The following ARFGEF3 variants were observed in gnomAD, a reference collection of about 807,000 sequenced individuals.
ARFGEF3 encodes the protein brefeldin A-inhibited guanine nucleotide-exchange protein 3.
Under a neutral mutation model 221.7 loss-of-function variants are expected in ARFGEF3, and 96 were observed. The observed-to-expected ratio is 0.43, with a 90% confidence interval of 0.37 to 0.51. The LOEUF is 0.51. ARFGEF3 is among the 20% of genes least tolerant of loss of function. The pLI, the probability that ARFGEF3 is intolerant of heterozygous loss-of-function variation, is 0.00. For missense variants in ARFGEF3, 2,410 were observed against 2,789.9 expected (o/e 0.86, Z 3.07); for synonymous variants, 1,145 against 1,126.8 (o/e 1.02, Z -0.32).
rs1298123025 is a variant in ARFGEF3, at chr6:138,280,077, C to G, written c.2374C>G (p.Gln792Glu). ...GGCCTGGATTGAGGAGCTCTACCAT[C>G]AGGTGCTCGACAGGAACATGCTTGG... The part of the protein sequence containing the change: ...SQAWIEELYH[Q>E]VLDRNMLGEA... Residue 792 changes from glutamine to glutamate, a missense_variant, in exon 14 of 34, where the codon CAG becomes GAG. This residue lies in a region of ARFGEF3 where 594 missense variants were observed against 734.3 expected (regional missense o/e 0.81). Coordinates refer to ENST00000251691, the MANE Select transcript of ARFGEF3 (RefSeq NM_020340.5). 6.2e-7 allele frequency: 1 copy of G among 1,613,906 alleles called. No homozygotes were observed. Among genetic ancestry groups the G allele is most frequent in the Non-Finnish European group, 8.5e-7 (1 of 1,179,800 alleles).
In ARFGEF3 at chr6:138,334,950, A is replaced by T. The variant is rs1421678768; in HGVS notation, c.6104A>T (p.Gln2035Leu). 1.3e-6 allele frequency: 2 copies of T among 1,588,426 alleles called. No individual in the cohort carries two copies. The highest frequency in any genetic ancestry group is 1.8e-5 in the Admixed American group (1 of 55,378). Reference sequence around the variant, plus strand: ...ACCGAATACAAAAAGAGGAAACAGCAGCACAACCTGTCCGCGTTCCCCAAA... The same window carrying T: ...ACCGAATACAAAAAGAGGAAACAGCTGCACAACCTGTCCGCGTTCCCCAAA... ...LMTEYKKRKQ[Q>L]HNLSAFPKEV... The change falls in exon 33 of 34, where the codon CAG (glutamine) becomes CTG (leucine). Residue 2035 changes from glutamine (Q) to leucine (L), a missense_variant. Physicochemically the swap from Gln to Leu is moderately radical, Grantham distance 113 (BLOSUM62 -2). Around this residue, in one of 5 missense-constraint regions of ARFGEF3, gnomAD observed 339 missense variants for 334.9 expected, o/e 1.01. Transcript: ENST00000251691. The surrounding 1 kb of genome is among the most constrained non-coding windows in gnomAD (Gnocchi z 5.1).
intron 10 of ARFGEF3, among the ~76,000 whole-genome samples, chr6:138,258,987 C>T (rs1778738284): frequency 6.6e-6 from 1 of 152,176 alleles, no homozygotes. Context: ...ATCTGTTCAT[C>T]GTAGATGTTC....
At chr6:138,203,158 A>T (rs79477383) in intron 2 of ARFGEF3, among the ~76,000 whole-genome samples, 1 of 150,550 alleles carries the variant, frequency 6.6e-6, no homozygotes, top group African/African-American at 2.4e-5. Context: ...GATTGTGTGT[A>T]TGTGTGTGTG....
rs1780475025 is a variant in ARFGEF3, at chr6:138,344,043, C to A, written c.*7557C>A. On this transcript the variant is annotated 3_prime_UTR_variant, in exon 34 of 34. Transcript: ENST00000251691. ...TGCTAAGAGACTATTATTCAATATG[C>A]TTTTCCCGCTTTTCTAAGAGGAATA... The A allele has an allele frequency of 6.6e-6, 1 of 152,120 alleles. No individual in the cohort carries two copies. The highest frequency in any genetic ancestry group is 2.1e-4 in the South Asian group (1 of 4,826). 9.4% of individuals were successfully genotyped at this position (152,120 alleles called of 1,614,324 possible). A position where few individuals can be genotyped will look rare whatever the true frequency, so the allele number is the denominator to read the frequency against.
In ARFGEF3 at chr6:138,218,370, T is replaced by G. The variant is rs764555788; in HGVS notation, c.351+8329T>G. 9.7e-6 allele frequency: 15 copies of G among 1,543,630 alleles called. No homozygotes were observed. The South Asian group carries it at 1.5e-4, about 15-fold the overall frequency. ...AATAATATTGTGCATATCCTCATAT[T>G]TCTGGTTCCTTAAGAAGGCCCTCAT... is the stretch of plus-strand genomic sequence containing the variant. On this transcript the variant is annotated intron_variant, in intron 4 of 33. Transcript: ENST00000251691.
At chr6:138,194,127 G>A (rs142915389) in intron 2 of ARFGEF3, among the ~76,000 whole-genome samples, 195 of 152,154 alleles carry the variant, frequency 1.3e-3, no homozygotes, top group African/African-American at 3.9e-3. Context: ...AATTAGCCAG[G>A]CGTGGTGGCG....
At chr6:138,167,351 A>C (rs1056054669) in intron 1 of ARFGEF3, among the ~76,000 whole-genome samples, 2 of 152,150 alleles carry the variant, frequency 1.3e-5, no homozygotes, top group Non-Finnish European at 2.9e-5. Context: ...TTATATCACT[A>C]GTCGACACCA....
rs1778157329 is a variant in ARFGEF3, at chr6:138,229,866, G to T, written c.420+14G>T. 3 of 1,610,228 alleles carry T rather than the reference G, an allele frequency of 1.9e-6. No individual in the cohort carries two copies. Among genetic ancestry groups the T allele is most frequent in the East Asian group, 4.5e-5 (2 of 44,838 alleles). The stretch of plus-strand genomic sequence containing the variant: ...AAGATCGCGGAGGTGAGTACTGCTT[G>T]TGTCTGTGCCTCCTGTTCACAGCTG... On this transcript the variant is annotated intron_variant, in intron 5 of 33. Transcript: ENST00000251691.
chr6:138,181,997 C>A (rs1219786549), intron 2 of ARFGEF3, among the ~76,000 whole-genome samples: 4 of 152,102 alleles, frequency 2.6e-5, no homozygotes, highest in Non-Finnish European at 5.9e-5. Context: ...TTCTTTTTCA[C>A]CCTGTAGGAC....
chr6:138,289,317 T>C (rs1779356156), intron 17 of ARFGEF3, among the ~76,000 whole-genome samples: 1 of 152,220 alleles, frequency 6.6e-6, no homozygotes, highest in East Asian at 1.9e-4. Flanking sequence ...ATGAAATTGG[T>C]CATTTTCAGT....
At chr6:138,249,630 G>C (rs1037906629) in intron 8 of ARFGEF3, among the ~76,000 whole-genome samples, 2 of 152,174 alleles carry the variant, frequency 1.3e-5, no homozygotes, top group African/African-American at 4.8e-5. Context: ...TTTGAGAATA[G>C]GTTTTAAATG....
intron 4 of ARFGEF3, among the ~76,000 whole-genome samples, chr6:138,219,422 A>T (rs1156533446): frequency 2.0e-5 from 3 of 152,072 alleles, no homozygotes; most frequent in Non-Finnish European, 4.4e-5. Context: ...GAGGGGGAGG[A>T]TGGGTTTGCA....
chr6:138,324,203 A>T (rs1200139842), intron 31 of ARFGEF3, 49 bp downstream of exon 31: 1 of 1,581,766 alleles, frequency 6.3e-7, no homozygotes, highest in Non-Finnish European at 8.6e-7. Flanking sequence ...CTCGAAGTGC[A>T]TGTTGGGAGA....
intron 22 of ARFGEF3, among the ~76,000 whole-genome samples, chr6:138,306,065 A>G (rs987764108): frequency 6.6e-6 from 1 of 152,212 alleles, no homozygotes. Context: ...CACAGACAAC[A>G]TAGGGTTGTA....
intron 1 of ARFGEF3, among the ~76,000 whole-genome samples, chr6:138,164,135 G>T (rs1196404815): frequency 2.6e-5 from 4 of 152,188 alleles, no homozygotes; most frequent in Non-Finnish European, 5.9e-5. Context: ...AAGGCCTATA[G>T]GGATAGGTTT....
At position 138,162,018 on chromosome 6, in the gene ARFGEF3, G is replaced by C; in HGVS notation, c.-69G>C. 1 of 1,178,604 alleles carries C rather than the reference G, an allele frequency of 8.5e-7. No homozygotes were observed. 73.0% of individuals were successfully genotyped at this position (1,178,604 alleles called of 1,614,324 possible). On this transcript the variant is annotated 5_prime_UTR_variant, in exon 1 of 34. Coordinates refer to ENST00000251691, the MANE Select transcript of ARFGEF3 (RefSeq NM_020340.5). The surrounding 1 kb of genome is among the most constrained non-coding windows in gnomAD (Gnocchi z 4.7). ...TAGGCGCCCAGGGCCAGGCAGCGGC[G>C]GCTTCCCCGGCCCGGCTCGCCCGCG...
At chr6:138,176,702 A>G (rs748183970) in intron 2 of ARFGEF3, among the ~76,000 whole-genome samples, 2 of 151,908 alleles carry the variant, frequency 1.3e-5, no homozygotes, top group African/African-American at 2.4e-5. Context: ...TGATTGCTTT[A>G]TAAGACCTGT....
In ARFGEF3 at chr6:138,162,410, C is replaced by A. The variant is rs935363164; in HGVS notation, c.85+239C>A. Among the ~76,000 whole-genome samples the A allele has an allele frequency of 1.3e-5, 2 of 152,230 alleles. No homozygotes were observed. The highest frequency in any genetic ancestry group is 4.8e-5 in the African/African-American group (2 of 41,476). On this transcript the variant is annotated intron_variant, in intron 1 of 33. Transcript: ENST00000251691. This position sits in a 1 kb window ranked among gnomAD's most constrained non-coding sequence, Gnocchi z 4.7. ...CCTTCCTCGGGAACCGCTGTCCTCC[C>A]TGCCTGGCGGCCCCCTTCTCCTGGT...
chr6:138,339,688 A>C lies in ARFGEF3; in HGVS notation c.*3202A>C, dbSNP rs1780392581. ...AGAGTTCTCTCTGTCATTAATGAGGACATCGGTTTTCACAATTGAACCTCA... is the reference window on the plus strand; with the variant it reads ...AGAGTTCTCTCTGTCATTAATGAGGCCATCGGTTTTCACAATTGAACCTCA... On this transcript the variant is annotated 3_prime_UTR_variant, in exon 34 of 34. Coordinates refer to ENST00000251691, the MANE Select transcript of ARFGEF3 (RefSeq NM_020340.5). 1 of 152,186 alleles carries C rather than the reference A, an allele frequency of 6.6e-6. No homozygotes were observed. The highest frequency in any genetic ancestry group is 6.5e-5 in the Admixed American group (1 of 15,282). The allele number at this position is 152,186 out of a possible 1,614,324, so 9.4% of individuals were successfully genotyped here.
Sources: gnomAD v4.1 joint callset for allele counts (sites outside exome capture counted in the v4.1 genomes callset) on GRCh38, gnomAD v4.1.1 for gene constraint, gnomAD v4.1.1 regional missense constraint, Gnocchi (gnomAD v3.1) non-coding constraint, MANE v1.5 for transcripts, NCBI Gene and HGNC (gene_info 2026-07-23, HGNC 2026-07-21) for gene names.